The following MAST4 variants were observed in gnomAD, a reference collection of about 807,000 sequenced individuals.
The protein encoded by MAST4 is microtubule-associated serine/threonine-protein kinase 4.
In MAST4, 89 loss-of-function variants were observed where a neutral mutation model predicts 162.7. The observed-to-expected ratio is 0.55, with a 90% CI of 0.46 to 0.65. The LOEUF (loss-of-function observed/expected upper bound fraction) is 0.65, where lower values mean the gene tolerates loss of function less well. Ranked by LOEUF, MAST4 falls within the 30% of genes least tolerant of loss-of-function variation. MAST4 has a pLI of 0.00. For synonymous variants in MAST4, 1,479 were observed against 1,361.1 expected, an observed-to-expected ratio of 1.09 and a Z score of -1.91; for missense variants, 3,153 against 3,374.0, an observed-to-expected ratio of 0.93 and a Z score of 1.62.
rs144471576 is a variant in MAST4 at position 66,889,065 on chromosome 5, A to G, written c.643-10886A>G. Among the ~76,000 whole-genome samples, 257 of 152,354 alleles carry G rather than the reference A, an allele frequency of 1.7e-3. 1 individual carries two copies. Among genetic ancestry groups the G allele is most frequent in the African/African-American group, 5.9e-3 (246 of 41,596 alleles). On this transcript the variant is annotated intron_variant, in intron 3 of 28. Transcript: ENST00000403625. ...CTTTTTAGAAGCTTATGAACATTGT[A>G]GCTTTTATTGATTCTAGGGAATTGG... is the stretch of plus-strand genomic sequence containing the variant.
In MAST4 at chr5:67,162,595, G is replaced by T. The variant is rs1226903763; in HGVS notation, c.3786-12G>T. 1 of 1,611,656 alleles carries T rather than the reference G, an allele frequency of 6.2e-7. No homozygotes were observed. Among genetic ancestry groups the T allele is most frequent in the South Asian group, 1.1e-5 (1 of 90,766 alleles). The stretch of plus-strand genomic sequence containing the variant: ...AAAGAAGACTGAACAATTTTTTCCT[G>T]TTTTTCTGTAGGAGGAGATCTCTTT... On this transcript the variant is annotated splice_polypyrimidine_tract_variant and intron_variant, in intron 27 of 28. Transcript: ENST00000403625.
intron 4 of MAST4, among the ~76,000 whole-genome samples, chr5:66,984,134 A>T (rs1749184175): frequency 6.6e-6 from 1 of 152,192 alleles, no homozygotes; most frequent in African/African-American, 2.4e-5. Flanking sequence ...ATGTAACATA[A>T]ACCAGAAAAA....
At chr5:67,020,257 T>C (rs1346457176) in intron 4 of MAST4, among the ~76,000 whole-genome samples, 1 of 152,206 alleles carries the variant, frequency 6.6e-6, no homozygotes, top group Non-Finnish European at 1.5e-5. Context: ...TTATGGATGG[T>C]GTACTAGCTG....
Position 67,164,745 on chromosome 5 carries a change from G to T in MAST4, c.5566G>T (p.Ala1856Ser). 3.1e-6 allele frequency: 5 copies of T among 1,613,990 alleles called. No homozygotes were observed. The highest frequency in any genetic ancestry group is 4.2e-6 in the Non-Finnish European group (5 of 1,179,896). ...TGGGAAAAAGAACGATACCACCAGT[G>T]CAAGAGAGCTTTCTCCTTCCAGCTT... ...SSGKKNDTTSARELSPSSLKM... is the reference protein window; with the variant it reads ...SSGKKNDTTSSRELSPSSLKM... Residue 1856 changes from alanine (A) to serine (S), a missense_variant, in exon 29 of 29, where the codon GCA becomes TCA. Ala to Ser is a moderately conservative substitution (Grantham distance 99, BLOSUM62 1). Coordinates refer to ENST00000403625, the MANE Select transcript of MAST4 (RefSeq NM_001164664.2). This position sits in a 1 kb window ranked among gnomAD's most constrained non-coding sequence, Gnocchi z 5.3.
At chr5:66,843,278 T>C (rs543098523) in intron 3 of MAST4, among the ~76,000 whole-genome samples, 1 of 152,342 alleles carries the variant, frequency 6.6e-6, no homozygotes, top group South Asian at 2.1e-4. Context: ...CTCTTTTCCG[T>C]GCTGTCCATT....
chr5:66,892,373 A>G (rs1762415528), intron 3 of MAST4, among the ~76,000 whole-genome samples: 1 of 152,076 alleles, frequency 6.6e-6, no homozygotes, highest in Non-Finnish European at 1.5e-5. Context: ...TTCACACTGT[A>G]TTTTACAGTG....
intron 4 of MAST4, among the ~76,000 whole-genome samples, chr5:66,999,819 A>G (rs933241968): frequency 6.6e-6 from 1 of 151,820 alleles, no homozygotes; most frequent in Non-Finnish European, 1.5e-5. Flanking sequence ...ATTTTCCAGG[A>G]TGATACAACC....
At chr5:66,880,949 A>T (rs1208153684) in intron 3 of MAST4, among the ~76,000 whole-genome samples, 1 of 151,952 alleles carries the variant, frequency 6.6e-6, no homozygotes, top group Admixed American at 6.6e-5. Flanking sequence ...TTGAAGAATC[A>T]CTCCCTCCCA....
intron 13 of MAST4, 140 bp from the exon 14 acceptor site, chr5:67,120,877 A>G (rs1294916228): frequency 5.0e-6 from 3 of 603,442 alleles, no homozygotes; most frequent in Non-Finnish European, 8.7e-6. Flanking sequence ...CTGTAAAGCT[A>G]TCCCTCAGGT....
intron 4 of MAST4, among the ~76,000 whole-genome samples, chr5:67,027,774 G>A (rs935422140): frequency 6.6e-6 from 1 of 152,192 alleles, no homozygotes; most frequent in East Asian, 1.9e-4. Context: ...CTTCCTGGAA[G>A]CTACTCTTTA....
At chr5:66,839,753 G>A (rs1332393352) in intron 3 of MAST4, among the ~76,000 whole-genome samples, 1 of 152,110 alleles carries the variant, frequency 6.6e-6, no homozygotes, top group East Asian at 1.9e-4. Context: ...TGTATTACTT[G>A]AACAGTGAGT....
At chr5:67,130,526 C>G in intron 15 of MAST4, 108 bp downstream of exon 15, 1 of 1,095,784 alleles carries the variant, frequency 9.1e-7, no homozygotes, top group Admixed American at 2.3e-5. Context: ...CACCTAGGAA[C>G]TGAAGCCAGG....
rs377243749 is a variant in MAST4 at position 67,166,322 on chromosome 5, A to C, written c.7143A>C (p.Pro2381=). 2 of 1,590,544 alleles carry C rather than the reference A, an allele frequency of 1.3e-6. No individual in the cohort carries two copies. The highest frequency in any genetic ancestry group is 1.3e-5 in the African/African-American group (1 of 74,600). Residue 2381 remains proline, a synonymous_variant, in exon 29 of 29, where the codon CCA becomes CCC. Transcript: ENST00000403625. ...GKKCTEALYA[P]AEGDKLEAGL... ...AATGCACTGAAGCACTTTATGCTCC[A>C]GCAGAGGGCGACAAGCTCGAGGCCG...
At chr5:66,660,876 A>G (rs1181271759) in intron 1 of MAST4, among the ~76,000 whole-genome samples, 1 of 152,240 alleles carries the variant, frequency 6.6e-6, no homozygotes, top group Non-Finnish European at 1.5e-5. Context: ...GTGAATTTCT[A>G]AAGTTAATTT....
intron 4 of MAST4, chr5:66,963,686 T>G (rs1180186205): frequency 2.6e-6 from 2 of 779,628 alleles, no homozygotes; most frequent in African/African-American, 3.4e-5. Context: ...CCACTTGGAA[T>G]GACGTTATTT....
chr5:66,797,214 C>T (rs1325034843), intron 3 of MAST4, among the ~76,000 whole-genome samples: 1 of 152,056 alleles, frequency 6.6e-6, no homozygotes, highest in Non-Finnish European at 1.5e-5. Flanking sequence ...ACCAAGAAAC[C>T]CATAATAATT....
intron 4 of MAST4, among the ~76,000 whole-genome samples, chr5:66,923,374 A>G (rs27216): frequency 0.55 from 83,029 of 152,030 alleles, 23,084 homozygotes; most frequent in African/African-American, 0.62. Context: ...TCACTCTCCC[A>G]TCTTCAAGGG....
At chr5:66,837,208 A>G (rs1039573747) in intron 3 of MAST4, among the ~76,000 whole-genome samples, 1 of 152,200 alleles carries the variant, frequency 6.6e-6, no homozygotes, top group African/African-American at 2.4e-5. Context: ...GTTGCTGAGT[A>G]TGAATTCAAA....
chr5:67,070,918 G>A (rs1396378992), intron 5 of MAST4, among the ~76,000 whole-genome samples: 1 of 152,164 alleles, frequency 6.6e-6, no homozygotes, highest in African/African-American at 2.4e-5. Flanking sequence ...CGCATTTTGT[G>A]CTGATCAGAG....
Sources: allele counts gnomAD v4.1 joint callset (sites outside exome capture counted in the v4.1 genomes callset), GRCh38; gene constraint gnomAD v4.1.1; non-coding constraint Gnocchi (gnomAD v3.1); transcripts MANE v1.5; gene names NCBI Gene and HGNC (gene_info 2026-07-23, HGNC 2026-07-21).